Variants in DIAPH3 observed in about 807,000 individuals in gnomAD.
DIAPH3 encodes protein diaphanous homolog 3.
A neutral mutation model predicts 144.3 loss-of-function variants in DIAPH3; 117 were observed. That is an observed-to-expected ratio of 0.81 (90% CI 0.70 to 0.95). The LOEUF (loss-of-function observed/expected upper bound fraction) is 0.95, where lower values mean the gene tolerates loss of function less well. Among genes scored for constraint, DIAPH3 ranks in the 40% least tolerant of loss-of-function variants. The pLI, the probability that DIAPH3 is intolerant of heterozygous loss-of-function variation, is 0.00. For missense variants in DIAPH3, 1,421 were observed against 1,412.7 expected (o/e 1.01, Z -0.09); for synonymous variants, 519 against 488.9 (o/e 1.06, Z -0.81).
chr13:59,796,529 A>G (rs746533837), intron 25 of DIAPH3, among the ~76,000 whole-genome samples: 32 of 152,356 alleles, frequency 2.1e-4, no homozygotes, highest in Non-Finnish European at 4.4e-4. Context: ...AGTACCTTCC[A>G]TTCAGAAAAT....
chr13:60,023,926 G>A (rs2054206886), intron 5 of DIAPH3, among the ~76,000 whole-genome samples: 1 of 136,898 alleles, frequency 7.3e-6, no homozygotes, highest in African/African-American at 2.8e-5. Context: ...CACAATCTCA[G>A]CTCATTGCAA....
At chr13:59,950,428 G>A (rs2049039170) in intron 17 of DIAPH3, among the ~76,000 whole-genome samples, 1 of 152,114 alleles carries the variant, frequency 6.6e-6, no homozygotes, top group Non-Finnish European at 1.5e-5. Flanking sequence ...AGCTTATTAA[G>A]CAATGATAAA....
At chr13:59,711,146 G>A (rs1016045314) in intron 27 of DIAPH3, among the ~76,000 whole-genome samples, 3 of 152,126 alleles carry the variant, frequency 2.0e-5, no homozygotes, top group Non-Finnish European at 2.9e-5. Context: ...TTCTTGAACC[G>A]TGAAAGTAAT....
chr13:59,898,604 T>C (rs1434545661), intron 20 of DIAPH3, among the ~76,000 whole-genome samples: 4 of 152,222 alleles, frequency 2.6e-5, no homozygotes, highest in African/African-American at 7.2e-5. Flanking sequence ...TCAATATTTA[T>C]TGTATAATAC....
intron 2 of DIAPH3, among the ~76,000 whole-genome samples, chr13:60,122,045 C>T (rs2058860616): frequency 6.6e-6 from 1 of 152,096 alleles, no homozygotes; most frequent in Admixed American, 6.5e-5. Flanking sequence ...AATGCAAATC[C>T]AGTCATGCCC....
chr13:59,751,179 CTATGGCAACGGGAGT>C (rs1299684507), intron 27 of DIAPH3, among the ~76,000 whole-genome samples: 2 of 152,238 alleles, frequency 1.3e-5, no homozygotes, highest in African/African-American at 2.4e-5. Flanking sequence ...AATTTCATTG[CTATGGCAACGGGAGT>C]TGCCCAGACA....
intron 21 of DIAPH3, among the ~76,000 whole-genome samples, chr13:59,875,309 C>T (rs760793366): frequency 1.6e-4 from 24 of 152,072 alleles, no homozygotes; most frequent in Non-Finnish European, 3.1e-4. Context: ...ACAAGCAGTC[C>T]TCCATTATTT....
intron 17 of DIAPH3, among the ~76,000 whole-genome samples, chr13:59,967,319 C>T (rs180903988): frequency 6.6e-6 from 1 of 152,120 alleles, no homozygotes; most frequent in African/African-American, 2.4e-5. Flanking sequence ...AAGTGATCAA[C>T]CCACCTCGAC....
intron 20 of DIAPH3, among the ~76,000 whole-genome samples, chr13:59,885,337 G>A (rs767485845): frequency 1.3e-4 from 20 of 149,894 alleles, no homozygotes; most frequent in Admixed American, 4.7e-4. Flanking sequence ...CCATCCCATC[G>A]TAGAAAACCA....
At chr13:59,686,993 C>T (rs758659266) in intron 27 of DIAPH3, among the ~76,000 whole-genome samples, 1 of 152,088 alleles carries the variant, frequency 6.6e-6, no homozygotes, top group Non-Finnish European at 1.5e-5. Flanking sequence ...AACCATTTCT[C>T]TTTGTCTGCT....
intron 22 of DIAPH3, among the ~76,000 whole-genome samples, chr13:59,852,149 A>T (rs1239119380): frequency 6.6e-6 from 1 of 152,162 alleles, no homozygotes; most frequent in East Asian, 1.9e-4. Context: ...AGAAGCCACC[A>T]TCACAGTGGT....
chr13:60,015,829 A>G, intron 7 of DIAPH3, 84 bp downstream of exon 7: 1 of 1,210,842 alleles, frequency 8.3e-7, no homozygotes, highest in Non-Finnish European at 1.2e-6. Flanking sequence ...ACACATCAGA[A>G]CAATTTACCA....
At chr13:59,861,373 A>G in intron 22 of DIAPH3, 34 bp downstream of exon 22, 1 of 1,613,486 alleles carries the variant, frequency 6.2e-7, no homozygotes, top group Non-Finnish European at 8.5e-7. Context: ...ACTGAAGATC[A>G]GAGCCATGAA....
intron 25 of DIAPH3, among the ~76,000 whole-genome samples, chr13:59,798,656 A>G (rs1285498461): frequency 6.6e-6 from 1 of 152,144 alleles, no homozygotes; most frequent in African/African-American, 2.4e-5. Context: ...TCCCACCCCA[A>G]TGTGAGAGCC....
At chr13:59,903,560 C>G (rs773013222) in intron 20 of DIAPH3, among the ~76,000 whole-genome samples, 1 of 150,246 alleles carries the variant, frequency 6.7e-6, no homozygotes, top group African/African-American at 2.5e-5. Flanking sequence ...TTGTACTAGA[C>G]AAACCTAGAA....
At chr13:60,079,664 G>C (rs1446745899) in intron 4 of DIAPH3, among the ~76,000 whole-genome samples, 1 of 149,468 alleles carries the variant, frequency 6.7e-6, no homozygotes, top group African/African-American at 2.5e-5. Flanking sequence ...TCTTATGTGG[G>C]AAAAAAAAAG....
At position 60,163,662 on chromosome 13, in the gene DIAPH3, C is replaced by G. The variant is rs773338442; in HGVS notation, c.105G>C (p.Met35Ile). The change falls in exon 1 of 28, where the codon ATG becomes ATC. Residue 35 changes from methionine (M) to isoleucine (I), a missense_variant. Physicochemically the swap from Met to Ile is conservative, Grantham distance 10. Transcript: ENST00000400324. ...GGTGTTGGGGGCCCTTCCTGCGCGGCATCTTGCTTTCCCGGCAGCCGCGGA... is the reference window on the plus strand; with the variant it reads ...GGTGTTGGGGGCCCTTCCTGCGCGGGATCTTGCTTTCCCGGCAGCCGCGGA... Reference protein sequence around the residue: ...ASLRGCRESKMPRRKGPQHPP... With the variant: ...ASLRGCRESKIPRRKGPQHPP... The G allele has an allele frequency of 6.2e-7, 1 of 1,608,118 alleles. No individual in the cohort carries two copies. Among genetic ancestry groups the G allele is most frequent in the Non-Finnish European group, 8.5e-7 (1 of 1,175,714 alleles).
chr13:59,901,011 C>T (rs574118247), intron 20 of DIAPH3, among the ~76,000 whole-genome samples: 1 of 152,302 alleles, frequency 6.6e-6, no homozygotes, highest in Non-Finnish European at 1.5e-5. Flanking sequence ...TACTTCTCAC[C>T]AATGACACTG....
At chr13:59,847,812 T>C (rs977041688) in intron 22 of DIAPH3, among the ~76,000 whole-genome samples, 9 of 152,130 alleles carry the variant, frequency 5.9e-5, no homozygotes, top group Non-Finnish European at 1.3e-4. Flanking sequence ...GATTGTGTAT[T>C]AGCTGGACTT....
Sources: allele counts gnomAD v4.1 joint callset (sites outside exome capture counted in the v4.1 genomes callset), GRCh38; gene constraint gnomAD v4.1.1; transcripts MANE v1.5; gene names NCBI Gene and HGNC (gene_info 2026-07-23, HGNC 2026-07-21).